The following EBF3 variants were observed in gnomAD, a reference collection of about 807,000 sequenced individuals.
EBF3 encodes transcription factor COE3.
EBF3 carries 18 observed loss-of-function variants against 77.1 expected under a neutral mutation model. The observed-to-expected ratio is 0.23, with a 90% confidence interval of 0.16 to 0.35. The LOEUF (loss-of-function observed/expected upper bound fraction) is 0.35, where lower values mean the gene tolerates loss of function less well. EBF3 is among the 10% of genes least tolerant of loss of function. The pLI is 1.00. For missense variants in EBF3, 558 were observed against 860.0 expected (o/e 0.65, Z 4.39); for synonymous variants, 350 against 343.5 (o/e 1.02, Z -0.21).
chr10:129,918,782 C>T (rs1856069032), intron 6 of EBF3, among the ~76,000 whole-genome samples: 2 of 152,320 alleles, frequency 1.3e-5, no homozygotes, highest in African/African-American at 2.4e-5. Context: ...GAGGCTACAA[C>T]GGCAGGGGTG....
At chr10:129,850,763 C>G (rs1850817933) in intron 10 of EBF3, among the ~76,000 whole-genome samples, 1 of 152,206 alleles carries the variant, frequency 6.6e-6, no homozygotes, top group Non-Finnish European at 1.5e-5. Context: ...CACCTCTGTG[C>G]CCCCAAGAGC....
intron 6 of EBF3, among the ~76,000 whole-genome samples, chr10:129,951,203 G>T (rs1858650921): frequency 6.6e-6 from 1 of 152,210 alleles, no homozygotes; most frequent in Admixed American, 6.5e-5. Context: ...ATCTTCTGGT[G>T]CACAGAGTAA....
At chr10:129,857,970 C>T (rs1022847592) in intron 10 of EBF3, among the ~76,000 whole-genome samples, 2 of 152,360 alleles carry the variant, frequency 1.3e-5, no homozygotes, top group Non-Finnish European at 2.9e-5. Flanking sequence ...AGATCATTCC[C>T]GCCAGCTGGC....
At chr10:129,930,313 C>T (rs1292602274) in intron 6 of EBF3, among the ~76,000 whole-genome samples, 1 of 152,112 alleles carries the variant, frequency 6.6e-6, no homozygotes, top group African/African-American at 2.4e-5. Context: ...TTAACAAATC[C>T]CCCTCTCATA....
intron 6 of EBF3, among the ~76,000 whole-genome samples, chr10:129,948,630 G>A (rs1489602838): frequency 3.3e-5 from 5 of 150,950 alleles, no homozygotes; most frequent in African/African-American, 1.2e-4. Flanking sequence ...ACTGGGGGGT[G>A]GGGGGAGGTG....
chr10:129,877,536 C>T (rs963162009), intron 7 of EBF3, among the ~76,000 whole-genome samples: 6 of 147,724 alleles, frequency 4.1e-5, no homozygotes, highest in African/African-American at 1.2e-4. Context: ...AAGCTAAGTT[C>T]GCTGTTCGCT....
At chr10:129,855,967 G>A (rs1426316538) in intron 10 of EBF3, among the ~76,000 whole-genome samples, 1 of 152,196 alleles carries the variant, frequency 6.6e-6, no homozygotes, top group Non-Finnish European at 1.5e-5. Flanking sequence ...CCCCTCCCGA[G>A]GCCAGAGGTG....
Position 129,947,270 on chromosome 10 carries a change from GGTGT to G in EBF3, c.554+9984_554+9987del. ...TTCCTAATGGGAAACAAATGCTGTG[GGTGT>G]GAATTCATACTTAACCATAAAAACC... On this transcript the variant is annotated intron_variant, in intron 6 of 16. Coordinates refer to ENST00000440978, the MANE Select transcript of EBF3 (RefSeq NM_001375380.1). The surrounding 1 kb of genome is among the most constrained non-coding windows in gnomAD (Gnocchi z 4.5). Among the ~76,000 whole-genome samples the G allele has an allele frequency of 6.6e-6, 1 of 152,286 alleles. No individual in the cohort carries two copies. Among genetic ancestry groups the G allele is most frequent in the East Asian group, 1.9e-4 (1 of 5,188 alleles).
At chr10:129,840,178 A>AAC in intron 15 of EBF3, 67 bp downstream of exon 15, 3 of 785,164 alleles carry the variant, frequency 3.8e-6, no homozygotes, top group Non-Finnish European at 3.9e-6. Flanking sequence ...CCGAGCCCCC[A>AAC]CCCCCACTCC....
intron 10 of EBF3, among the ~76,000 whole-genome samples, chr10:129,852,623 A>G (rs974161177): frequency 6.6e-6 from 1 of 152,204 alleles, no homozygotes; most frequent in African/African-American, 2.4e-5. Context: ...ATTTTATTAG[A>G]CCTGAATAGC....
chr10:129,930,737 T>A (rs557862351), intron 6 of EBF3, among the ~76,000 whole-genome samples: 5 of 149,056 alleles, frequency 3.4e-5, no homozygotes, highest in African/African-American at 1.2e-4. Flanking sequence ...TGTCTATATC[T>A]ATCTCTATAT....
intron 6 of EBF3, among the ~76,000 whole-genome samples, chr10:129,911,106 C>G (rs536443576): frequency 1.3e-5 from 2 of 152,252 alleles, no homozygotes; most frequent in Non-Finnish European, 2.9e-5. Context: ...CGGGGTCATT[C>G]CTTTATAACA....
intron 6 of EBF3, among the ~76,000 whole-genome samples, chr10:129,887,054 C>CTGGG (rs1413353329): frequency 9.4e-5 from 1 of 10,594 alleles, no homozygotes; most frequent in Non-Finnish European, 2.8e-4. Context: ...GGGTTGTGGG[C>CTGGG]GGGGGGGGGG....
intron 6 of EBF3, among the ~76,000 whole-genome samples, chr10:129,946,154 G>A (rs892958451): frequency 1.3e-5 from 2 of 152,236 alleles, no homozygotes; most frequent in Admixed American, 1.3e-4. Context: ...CATGCCCGCG[G>A]ATTCCCTGCT....
rs1436650529 is a variant in EBF3, at chr10:129,943,658, CA to C, written c.554+13599del. On this transcript the variant is annotated intron_variant, in intron 6 of 16. Coordinates refer to ENST00000440978, the MANE Select transcript of EBF3 (RefSeq NM_001375380.1). The surrounding 1 kb of genome is among the most constrained non-coding windows in gnomAD (Gnocchi z 8.8). ...AGTTTGAGTGTGTGAGACTTTTCCTCATTTATTTTCCTTCAGACATTTTTTT... is the reference window on the plus strand; with the variant it reads ...AGTTTGAGTGTGTGAGACTTTTCCTCTTTATTTTCCTTCAGACATTTTTTT... Among the ~76,000 whole-genome samples the C allele has an allele frequency of 6.6e-6, 1 of 151,806 alleles. No individual in the cohort carries two copies. Among genetic ancestry groups the C allele is most frequent in the Non-Finnish European group, 1.5e-5 (1 of 68,038 alleles).
rs1307834401 is a variant in EBF3, at chr10:129,840,429, G to A, written c.1575C>T (p.Ser525=). 1 of 1,551,352 alleles carries A rather than the reference G, an allele frequency of 6.4e-7. No homozygotes were observed. Residue 525 remains serine, a synonymous_variant, in exon 15 of 17, where the codon AGC becomes AGT. Transcript: ENST00000440978. ...ANSPYGIVPS[S]PTMAASSVTL... is the part of the protein sequence containing the mutation. Reference sequence around the variant, plus strand: ...TGACCGAAGAGGCTGCCATGGTGGGGCTGGACGGCACTACTGCAACAAAGC... The same window carrying A: ...TGACCGAAGAGGCTGCCATGGTGGGACTGGACGGCACTACTGCAACAAAGC...
intron 11 of EBF3, chr10:129,845,746 T>C (rs1259715989): frequency 9.3e-6 from 1 of 107,434 alleles, no homozygotes; most frequent in African/African-American, 2.5e-5. Flanking sequence ...CCTAATAAAT[T>C]TTTGTATATT....
At chr10:129,954,250 C>T (rs1196563717) in intron 6 of EBF3, among the ~76,000 whole-genome samples, 1 of 151,996 alleles carries the variant, frequency 6.6e-6, no homozygotes, top group Admixed American at 6.6e-5. Context: ...CTTCTTTGCT[C>T]CGTAAGTTGT....
intron 6 of EBF3, among the ~76,000 whole-genome samples, chr10:129,932,376 C>T (rs1857082548): frequency 1.3e-5 from 2 of 152,198 alleles, no homozygotes; most frequent in Admixed American, 6.5e-5. Flanking sequence ...ACTTGCTTGG[C>T]ATGTGGCAAA....
Sources: allele counts gnomAD v4.1 joint callset (sites outside exome capture counted in the v4.1 genomes callset), GRCh38; gene constraint gnomAD v4.1.1; non-coding constraint Gnocchi (gnomAD v3.1); transcripts MANE v1.5; gene names NCBI Gene and HGNC (gene_info 2026-07-23, HGNC 2026-07-21).